Variants in GPR27 observed in about 807,000 individuals in gnomAD.
The protein encoded by GPR27 is G protein-coupled receptor 27.
In GPR27, 3 loss-of-function variants were observed where a neutral mutation model predicts 2.4. The observed-to-expected ratio is 1.23, with a 90% CI of 0.56 to 3.18. The LOEUF (loss-of-function observed/expected upper bound fraction) is 3.18, where lower values mean the gene tolerates loss of function less well. Ranked by LOEUF, GPR27 falls within the 30% of genes most tolerant of loss-of-function variation. The pLI, the probability that GPR27 is intolerant of heterozygous loss-of-function variation, is 0.03. For missense variants in GPR27, 526 were observed against 566.1 expected (o/e 0.93, Z 0.72); for synonymous variants, 367 against 296.4 (o/e 1.24, Z -2.45).
rs373590635 is a variant in GPR27 at position 71,755,140 on chromosome 3, C to T, written c.1091C>T (p.Ala364Val). Reference sequence around the variant, plus strand: ...TGCCAGAGCCCCCGGACCACCCAGGCGACCCATCCCTGCGACCTGAAAGGC... The same window carrying T: ...TGCCAGAGCCCCCGGACCACCCAGGTGACCCATCCCTGCGACCTGAAAGGC... ...PCCQSPRTTQ[A>V]THPCDLKGIG... The change falls in exon 1 of 1, where the codon GCG (alanine) becomes GTG (valine). Residue 364 changes from alanine to valine, a missense_variant. This residue lies in a region of GPR27 where 116 missense variants were observed against 100.9 expected (regional missense o/e 1.15). Coordinates refer to ENST00000304411, the MANE Select transcript of GPR27 (RefSeq NM_018971.3). 59 of 1,607,870 alleles carry T rather than the reference C, an allele frequency of 3.7e-5. No individual in the cohort carries two copies. The highest frequency in any genetic ancestry group is 4.5e-5 in the Non-Finnish European group (53 of 1,179,388).
rs1559619690 is a variant in GPR27 at position 71,754,882 on chromosome 3, CGGA to C, written c.835_837del (p.Glu279del). On this transcript the variant is annotated inframe_deletion, in exon 1 of 1. Transcript: ENST00000304411. This position sits in a 1 kb window ranked among gnomAD's most constrained non-coding sequence, Gnocchi z 5.8. ...CTCCTCGTGCTGGAAGAATTCAAGA[CGGA>C]GAAGAGGCTGTGCAAGATGTTCTAC... 6.3e-7 allele frequency: 1 copy of C among 1,576,924 alleles called. No homozygotes were observed. The highest frequency in any genetic ancestry group is 1.7e-5 in the Admixed American group (1 of 58,872).
chr3:71,754,098 G>A lies in GPR27; in HGVS notation c.49G>A (p.Ala17Thr). The A allele has an allele frequency of 7.3e-7, 1 of 1,374,892 alleles. No individual in the cohort carries two copies. 85.2% of individuals were successfully genotyped at this position (1,374,892 alleles called of 1,614,324 possible). A position where few individuals can be genotyped will look rare whatever the true frequency, so the allele number is the denominator to read the frequency against. Residue 17 changes from alanine to threonine, a missense_variant, in exon 1 of 1, where the codon GCC (alanine) becomes ACC (threonine). Ala to Thr is a moderately conservative substitution (Grantham distance 58). Coordinates refer to ENST00000304411, the MANE Select transcript of GPR27 (RefSeq NM_018971.3). This position sits in a 1 kb window ranked among gnomAD's most constrained non-coding sequence, Gnocchi z 5.8. ...TGGCAGCGGCGGCGGCGAGGCGGCCGCCCTGGGCCTCAAGCTGGCCACGCT... is the reference window on the plus strand; with the variant it reads ...TGGCAGCGGCGGCGGCGAGGCGGCCACCCTGGGCCTCAAGCTGGCCACGCT... ...PGGSGGGEAA[A>T]LGLKLATLSL...
In GPR27 at chr3:71,756,111, G is replaced by A. The variant is rs1029701828; in HGVS notation, c.*934G>A. 3.3e-5 allele frequency: 5 copies of A among 152,182 alleles called. No individual in the cohort carries two copies. Among genetic ancestry groups the A allele is most frequent in the Admixed American group, 2.6e-4 (4 of 15,278 alleles). 9.4% of individuals were successfully genotyped at this position (152,182 alleles called of 1,614,324 possible). A position where few individuals can be genotyped will look rare whatever the true frequency, so the allele number is the denominator to read the frequency against. On this transcript the variant is annotated 3_prime_UTR_variant, in exon 1 of 1. Transcript: ENST00000304411. ...ATAAAAAATTAATTTTATGGAAATG[G>A]CTTGTGCTTTGAGAAGCCCAGTTTT...
At position 71,754,742 on chromosome 3, in the gene GPR27, C is replaced by T; in HGVS notation, c.693C>T (p.Gly231=). ...TCAGCCACGACTGGACCTTCCACGG[C>T]CCGGGCGCCACCGGCCAGGCGGCCG... ...PAVSHDWTFH[G]PGATGQAAAN... Residue 231 remains glycine, a synonymous_variant, in exon 1 of 1, where the codon GGC becomes GGT. Transcript: ENST00000304411. The surrounding 1 kb of genome is among the most constrained non-coding windows in gnomAD (Gnocchi z 5.8). 1 of 1,395,860 alleles carries T rather than the reference C, an allele frequency of 7.2e-7. No homozygotes were observed. The allele number at this position is 1,395,860 out of a possible 1,614,324, so 86.5% of individuals were successfully genotyped here.
In GPR27 at chr3:71,755,175, T is replaced by G; in HGVS notation, c.1126T>G (p.Ter376GlyextTer19). 1 of 1,595,326 alleles carries G rather than the reference T, an allele frequency of 6.3e-7. No homozygotes were observed. Among genetic ancestry groups the G allele is most frequent in the Non-Finnish European group, 8.5e-7 (1 of 1,174,006 alleles). Residue 376 changes from the stop codon to glycine (G), a stop_lost, in exon 1 of 1, where the codon TGA becomes GGA. Coordinates refer to ENST00000304411, the MANE Select transcript of GPR27 (RefSeq NM_018971.3). Reference sequence around the variant, plus strand: ...CTGCGACCTGAAAGGCATTGGTTTATGAGGGAGGCCCCGCCACATAGACCC... The same window carrying G: ...CTGCGACCTGAAAGGCATTGGTTTAGGAGGGAGGCCCCGCCACATAGACCC... ...HPCDLKGIGL[*>G]
Position 71,754,724 on chromosome 3 carries a change from C to G in GPR27, c.675C>G (p.His225Gln), listed in dbSNP as rs1179492692. ...RPARLVPAVS[H>Q]DWTFHGPGAT... The stretch of plus-strand genomic sequence containing the variant: ...CGCGCCTGGTGCCCGCCGTCAGCCA[C>G]GACTGGACCTTCCACGGCCCGGGCG... Residue 225 changes from histidine (H) to glutamine (Q), a missense_variant, in exon 1 of 1, where the codon CAC becomes CAG. This residue lies in a region of GPR27 where 98 missense variants were observed against 146.7 expected (regional missense o/e 0.67). Transcript: ENST00000304411. The surrounding 1 kb of genome is among the most constrained non-coding windows in gnomAD (Gnocchi z 5.8). 4.8e-6 allele frequency: 7 copies of G among 1,470,400 alleles called. No homozygotes were observed. In the African/African-American group the frequency reaches 8.8e-5, roughly 19 times the overall value. 91.1% of individuals were successfully genotyped at this position (1,470,400 alleles called of 1,614,324 possible).
At position 71,754,941 on chromosome 3, in the gene GPR27, G is replaced by A. The variant is rs1187662887; in HGVS notation, c.892G>A (p.Gly298Arg). 1 of 1,613,586 alleles carries A rather than the reference G, an allele frequency of 6.2e-7. No homozygotes were observed. Among genetic ancestry groups the A allele is most frequent in the East Asian group, 2.2e-5 (1 of 44,850 alleles). The change falls in exon 1 of 1, where the codon GGG (glycine) becomes AGG (arginine). Residue 298 changes from glycine (G) to arginine (R), a missense_variant. Physicochemically the swap from Gly to Arg is moderately radical, Grantham distance 125. Transcript: ENST00000304411. This position sits in a 1 kb window ranked among gnomAD's most constrained non-coding sequence, Gnocchi z 5.8. ...CACGCTGCTCTTCCTGCTCCTCTGG[G>A]GGCCCTACGTCGTGGCCAGCTACCT... ...AVTLLFLLLW[G>R]PYVVASYLRV...
chr3:71,755,115 T>A lies in GPR27; in HGVS notation c.1066T>A (p.Cys356Ser). Residue 356 changes from cysteine (C) to serine (S), a missense_variant, in exon 1 of 1, where the codon TGC (cysteine) becomes AGC (serine). Transcript: ENST00000304411. ...RDCFRAQFPC[C>S]QSPRTTQATH... ...CTGCTTCAGGGCCCAGTTCCCCTGC[T>A]GCCAGAGCCCCCGGACCACCCAGGC... 6.2e-7 allele frequency: 1 copy of A among 1,610,034 alleles called. No homozygotes were observed. The highest frequency in any genetic ancestry group is 1.1e-5 in the South Asian group (1 of 91,030).
chr3:71,754,817 G>C lies in GPR27; in HGVS notation c.768G>C (p.Val256=). The C allele has an allele frequency of 6.7e-7, 1 of 1,501,134 alleles. No homozygotes were observed. Among genetic ancestry groups the C allele is most frequent in the Non-Finnish European group, 8.9e-7 (1 of 1,125,450 alleles). The allele number at this position is 1,501,134 out of a possible 1,614,324, so 93.0% of individuals were successfully genotyped here. A position where few individuals can be genotyped will look rare whatever the true frequency, so the allele number is the denominator to read the frequency against. Reference sequence around the variant, plus strand: ...GCGGGCCCACGCCGCCCGCGCTTGTGGGCATCCGGCCCGCAGGGCCGGGCC... The same window carrying C: ...GCGGGCCCACGCCGCCCGCGCTTGTCGGCATCCGGCCCGCAGGGCCGGGCC... ...FGRGPTPPAL[V]GIRPAGPGRG... Residue 256 remains valine, a synonymous_variant, in exon 1 of 1, where the codon GTG becomes GTC. Transcript: ENST00000304411. The surrounding 1 kb of genome is among the most constrained non-coding windows in gnomAD (Gnocchi z 5.8).
chr3:71,754,123 T>G lies in GPR27; in HGVS notation c.74T>G (p.Leu25Arg). 1 of 1,432,618 alleles carries G rather than the reference T, an allele frequency of 7.0e-7. No homozygotes were observed. The highest frequency in any genetic ancestry group is 9.2e-7 in the Non-Finnish European group (1 of 1,083,934). 88.7% of individuals were successfully genotyped at this position (1,432,618 alleles called of 1,614,324 possible). The change falls in exon 1 of 1, where the codon CTC (leucine) becomes CGC (arginine). Residue 25 changes from leucine to arginine, a missense_variant. Coordinates refer to ENST00000304411, the MANE Select transcript of GPR27 (RefSeq NM_018971.3). The surrounding 1 kb of genome is among the most constrained non-coding windows in gnomAD (Gnocchi z 5.8). ...AAALGLKLAT[L>R]SLLLCVSLAG... is the part of the protein sequence containing the mutation. ...GCCCTGGGCCTCAAGCTGGCCACGC[T>G]CAGCCTGCTGCTGTGCGTGAGCCTA...
At position 71,754,299 on chromosome 3, in the gene GPR27, G is replaced by A. The variant is rs779604422; in HGVS notation, c.250G>A (p.Ala84Thr). ...CATGCTGGCGGCGCGGCGTGCGGCG[G>A]CCGCGGCGGGGGCGCCGCCGGGCGC... is the stretch of plus-strand genomic sequence containing the variant. ...AVMLAARRAA[A>T]AAGAPPGALG... Residue 84 changes from alanine to threonine, a missense_variant, in exon 1 of 1, where the codon GCC becomes ACC. By Grantham distance (58) the Ala-to-Thr change is moderately conservative (BLOSUM62 0). Around this residue, in one of 3 missense-constraint regions of GPR27, gnomAD observed 312 missense variants for 318.4 expected, o/e 0.98. Transcript: ENST00000304411. This position sits in a 1 kb window ranked among gnomAD's most constrained non-coding sequence, Gnocchi z 5.8. The A allele has an allele frequency of 2.6e-6, 3 of 1,150,466 alleles. No individual in the cohort carries two copies. The highest frequency in any genetic ancestry group is 9.6e-5 in the Admixed American group (2 of 20,794). 71.3% of individuals were successfully genotyped at this position (1,150,466 alleles called of 1,614,324 possible).
chr3:71,754,036 C>T lies in GPR27; in HGVS notation c.-14C>T, dbSNP rs2049969866. The T allele has an allele frequency of 8.3e-7, 1 of 1,207,180 alleles. No homozygotes were observed. The highest frequency in any genetic ancestry group is 1.0e-6 in the Non-Finnish European group (1 of 964,638). The allele number at this position is 1,207,180 out of a possible 1,614,324, so 74.8% of individuals were successfully genotyped here. ...ACGGCCCCGGGGCGGAGCGCACGGC[C>T]TGGTGAGGCCGCGATGGCGAACGCG... On this transcript the variant is annotated 5_prime_UTR_variant, in exon 1 of 1. Coordinates refer to ENST00000304411, the MANE Select transcript of GPR27 (RefSeq NM_018971.3). This position sits in a 1 kb window ranked among gnomAD's most constrained non-coding sequence, Gnocchi z 5.8.
Position 71,756,468 on chromosome 3 carries a change from T to C in GPR27, c.*1291T>C, listed in dbSNP as rs1487957861. Reference sequence around the variant, plus strand: ...TATATCTGTATTTCTCTTTGCATTATACAAATATACCAGTATTTTCATTCT... The same window carrying C: ...TATATCTGTATTTCTCTTTGCATTACACAAATATACCAGTATTTTCATTCT... On this transcript the variant is annotated 3_prime_UTR_variant, in exon 1 of 1. Transcript: ENST00000304411. 1 of 152,262 alleles carries C rather than the reference T, an allele frequency of 6.6e-6. No individual in the cohort carries two copies. The highest frequency in any genetic ancestry group is 1.5e-5 in the Non-Finnish European group (1 of 68,040). 9.4% of individuals were successfully genotyped at this position (152,262 alleles called of 1,614,324 possible).
chr3:71,755,488 T>G lies in GPR27; in HGVS notation c.*311T>G, dbSNP rs2049993366. The G allele has an allele frequency of 3.1e-6, 1 of 319,650 alleles. No homozygotes were observed. Among genetic ancestry groups the G allele is most frequent in the Non-Finnish European group, 5.7e-6 (1 of 174,328 alleles). The allele number at this position is 319,650 out of a possible 1,614,324, so 19.8% of individuals were successfully genotyped here. ...TGTGGTTCCTTTTTTTCTTTTTCTA[T>G]AAAGGCTGTACTAATTTTCTTCATG... On this transcript the variant is annotated 3_prime_UTR_variant, in exon 1 of 1. Transcript: ENST00000304411.
rs2049975386 is a variant in GPR27, at chr3:71,754,256, CGCCTGCCTCCCG to C, written c.211_222del (p.Cys71_Ala74del). On this transcript the variant is annotated inframe_deletion, in exon 1 of 1. Transcript: ENST00000304411. The surrounding 1 kb of genome is among the most constrained non-coding windows in gnomAD (Gnocchi z 5.8). Reference sequence around the variant, plus strand: ...GCCTGGCCGACGGGCTGCGCGCGCTCGCCTGCCTCCCGGCCGTCATGCTGGCGGCGCGGCGTG... The same window carrying C: ...GCCTGGCCGACGGGCTGCGCGCGCTCGCCGTCATGCTGGCGGCGCGGCGTG... The C allele has an allele frequency of 7.9e-7, 1 of 1,259,794 alleles. No homozygotes were observed. Among genetic ancestry groups the C allele is most frequent in the Non-Finnish European group, 1.0e-6 (1 of 987,926 alleles). 78.0% of individuals were successfully genotyped at this position (1,259,794 alleles called of 1,614,324 possible).
At position 71,754,113 on chromosome 3, in the gene GPR27, C is replaced by T. The variant is rs996646103; in HGVS notation, c.64C>T (p.Leu22=). 4 of 1,411,606 alleles carry T rather than the reference C, an allele frequency of 2.8e-6. No homozygotes were observed. In the African/African-American group the frequency reaches 4.5e-5, roughly 16 times the overall value. The allele number at this position is 1,411,606 out of a possible 1,614,324, so 87.4% of individuals were successfully genotyped here. Residue 22 remains leucine, a synonymous_variant, in exon 1 of 1, where the codon CTG becomes TTG. Transcript: ENST00000304411. This position sits in a 1 kb window ranked among gnomAD's most constrained non-coding sequence, Gnocchi z 5.8. ...GGEAAALGLK[L]ATLSLLLCVS... ...CGAGGCGGCCGCCCTGGGCCTCAAG[C>T]TGGCCACGCTCAGCCTGCTGCTGTG...
chr3:71,753,940 GGGAGCTCGCCCAGGGCCGGCGGAGCGGC>G lies in GPR27; in HGVS notation c.-101_-74del. 9.9e-7 allele frequency: 1 copy of G among 1,014,198 alleles called. No homozygotes were observed. The highest frequency in any genetic ancestry group is 1.2e-6 in the Non-Finnish European group (1 of 849,562). 62.8% of individuals were successfully genotyped at this position (1,014,198 alleles called of 1,614,324 possible). On this transcript the variant is annotated 5_prime_UTR_variant, in exon 1 of 1. Transcript: ENST00000304411. Reference sequence around the variant, plus strand: ...GGAGCGGGCTGAGCCCCGCAGGACGGGGAGCTCGCCCAGGGCCGGCGGAGCGGCGGAGCTCGGGCCGGGCGGCCTGCGG... The same window carrying G: ...GGAGCGGGCTGAGCCCCGCAGGACGGGGAGCTCGGGCCGGGCGGCCTGCGG...
rs760739874 is a variant in GPR27, at chr3:71,754,168, C to G, written c.119C>G (p.Ala40Gly). The G allele has an allele frequency of 6.9e-7, 1 of 1,453,056 alleles. No homozygotes were observed. The highest frequency in any genetic ancestry group is 1.2e-5 in the South Asian group (1 of 82,416). The allele number at this position is 1,453,056 out of a possible 1,614,324, so 90.0% of individuals were successfully genotyped here. A position where few individuals can be genotyped will look rare whatever the true frequency, so the allele number is the denominator to read the frequency against. ...CVSLAGNVLF[A>G]LLIVRERSLH... is the part of the protein sequence containing the mutation. ...AGCCTAGCGGGCAACGTGCTGTTCG[C>G]GCTGCTGATCGTGCGGGAGCGCAGC... Residue 40 changes from alanine to glycine, a missense_variant, in exon 1 of 1, where the codon GCG (alanine) becomes GGG (glycine). This residue lies in a region of GPR27 where 312 missense variants were observed against 318.4 expected (regional missense o/e 0.98). Coordinates refer to ENST00000304411, the MANE Select transcript of GPR27 (RefSeq NM_018971.3). The surrounding 1 kb of genome is among the most constrained non-coding windows in gnomAD (Gnocchi z 5.8).
At position 71,754,520 on chromosome 3, in the gene GPR27, G is replaced by T. The variant is rs979894810; in HGVS notation, c.471G>T (p.Pro157=). The T allele has an allele frequency of 1.2e-5, 16 of 1,315,506 alleles. No individual in the cohort carries two copies. Among genetic ancestry groups the T allele is most frequent in the Admixed American group, 3.6e-5 (1 of 27,884 alleles). The allele number at this position is 1,315,506 out of a possible 1,614,324, so 81.5% of individuals were successfully genotyped here. ...CGCTGGCGCTGGCCGCGGCCTTCCCGCCAGTGCTGGACGGCGGTGGCGACG... is the reference window on the plus strand; with the variant it reads ...CGCTGGCGCTGGCCGCGGCCTTCCCTCCAGTGCTGGACGGCGGTGGCGACG... ...AWALALAAAF[P]PVLDGGGDDE... is the part of the protein sequence containing the mutation. The change falls in exon 1 of 1, where the codon CCG becomes CCT. Residue 157 remains proline, a synonymous_variant. Coordinates refer to ENST00000304411, the MANE Select transcript of GPR27 (RefSeq NM_018971.3). The surrounding 1 kb of genome is among the most constrained non-coding windows in gnomAD (Gnocchi z 5.8).
Sources: allele counts gnomAD v4.1 joint callset, GRCh38; gene constraint gnomAD v4.1.1; regional missense constraint gnomAD v4.1.1; non-coding constraint Gnocchi (gnomAD v3.1); transcripts MANE v1.5; gene names NCBI Gene and HGNC (gene_info 2026-07-23, HGNC 2026-07-21).